CD276: variants seen among roughly 807,000 people sequenced by gnomAD.
CD276 encodes the protein CD276 molecule.
A neutral mutation model predicts 50.0 loss-of-function variants in CD276; 34 were observed. The ratio of observed to expected loss-of-function variants is 0.68; its 90% CI spans 0.52 to 0.91. The LOEUF (loss-of-function observed/expected upper bound fraction) is 0.91, where lower values mean the gene tolerates loss of function less well. CD276 is among the 40% of genes least tolerant of loss of function. CD276 has a pLI of 0.00. For synonymous variants in CD276, 275 were observed against 313.0 expected (o/e 0.88, Z 1.28); for missense variants, 634 against 717.5 (o/e 0.88, Z 1.33).
In CD276 at chr15:73,711,771, A is replaced by G. The variant is rs530581724; in HGVS notation, c.1582+601A>G. ...TGGGCCTATTGTTATAATGTCAGTGATGACATTTGGAAATACAGGAGATAG... is the reference window on the plus strand; with the variant it reads ...TGGGCCTATTGTTATAATGTCAGTGGTGACATTTGGAAATACAGGAGATAG... On this transcript the variant is annotated intron_variant, in intron 9 of 9. Transcript: ENST00000318443. 3 of 153,246 alleles carry G rather than the reference A, an allele frequency of 2.0e-5. No homozygotes were observed. The East Asian group carries it at 5.8e-4, about 30-fold the overall frequency. 9.5% of individuals were successfully genotyped at this position (153,246 alleles called of 1,614,324 possible). A position where few individuals can be genotyped will look rare whatever the true frequency, so the allele number is the denominator to read the frequency against.
rs1003960223 is a variant in CD276 at position 73,704,647 on chromosome 15, A to G, written c.1369+175A>G. 1.6e-4 allele frequency among the ~76,000 whole-genome samples: 25 copies of G among 152,222 alleles called. No homozygotes were observed. The highest frequency in any genetic ancestry group is 5.5e-4 in the African/African-American group (23 of 41,462). On this transcript the variant is annotated intron_variant, in intron 6 of 9. Transcript: ENST00000318443. This position sits in a 1 kb window ranked among gnomAD's most constrained non-coding sequence, Gnocchi z 4.1. ...CCTTAAGGGACTCGAGCTGATAAGA[A>G]CCATTTATAATGTTTGCCTTCCTAA...
chr15:73,702,884 C>G lies in CD276; in HGVS notation c.531C>G (p.Phe177Leu). Residue 177 changes from phenylalanine (F) to leucine (L), a missense_variant, in exon 4 of 10, where the codon TTC becomes TTG. By Grantham distance (22) the Phe-to-Leu change is conservative. Coordinates refer to ENST00000318443, the MANE Select transcript of CD276 (RefSeq NM_001024736.2). Reference sequence around the variant, plus strand: ...AGGGCTACCCTGAGGCTGAGGTGTTCTGGCAGGATGGGCAGGGTGTGCCCC... The same window carrying G: ...AGGGCTACCCTGAGGCTGAGGTGTTGTGGCAGGATGGGCAGGGTGTGCCCC... ...SYQGYPEAEVFWQDGQGVPLT... is the reference protein window; with the variant it reads ...SYQGYPEAEVLWQDGQGVPLT... 1 of 1,614,130 alleles carries G rather than the reference C, an allele frequency of 6.2e-7. No individual in the cohort carries two copies. Among genetic ancestry groups the G allele is most frequent in the Non-Finnish European group, 8.5e-7 (1 of 1,180,038 alleles).
Position 73,704,227 on chromosome 15 carries a change from C to A in CD276, c.1124C>A (p.Pro375Gln). 1.2e-6 allele frequency: 2 copies of A among 1,614,156 alleles called. No individual in the cohort carries two copies. Among genetic ancestry groups the A allele is most frequent in the South Asian group, 2.2e-5 (2 of 91,076 alleles). Residue 375 changes from proline to glutamine, a missense_variant, in exon 6 of 10, where the codon CCA (proline) becomes CAA (glutamine). Transcript: ENST00000318443. This position sits in a 1 kb window ranked among gnomAD's most constrained non-coding sequence, Gnocchi z 4.1. Reference sequence around the variant, plus strand: ...CTGGAGCCCAACAAGGACCTGCGGCCAGGGGACACGGTGACCATCACGTGC... The same window carrying A: ...CTGGAGCCCAACAAGGACCTGCGGCAAGGGGACACGGTGACCATCACGTGC... Reference protein sequence around the residue: ...MTLEPNKDLRPGDTVTITCSS... With the variant: ...MTLEPNKDLRQGDTVTITCSS...
intron 9 of CD276, 109 bp from the exon 10 acceptor site, chr15:73,712,825 A>T: frequency 8.9e-7 from 1 of 1,126,316 alleles, no homozygotes. Flanking sequence ...CACACTCCCC[A>T]CTTGAAGTCT....
Position 73,712,928 on chromosome 15 carries a change from A to G in CD276, c.1583-6A>G, listed in dbSNP as rs1900967723. ...CCCTTTTTTTTCTTCCCATCATGAA[A>G]TGAAGATGATGGACAAGAAATAGCC... On this transcript the variant is annotated splice_region_variant and splice_polypyrimidine_tract_variant and intron_variant, in intron 9 of 9. Transcript: ENST00000318443. 1.2e-6 allele frequency: 2 copies of G among 1,613,566 alleles called. No homozygotes were observed. Among genetic ancestry groups the G allele is most frequent in the South Asian group, 2.2e-5 (2 of 91,054 alleles).
chr15:73,703,909 G>T lies in CD276; in HGVS notation c.984G>T (p.Gln328His), dbSNP rs1900529772. ...LAQGNASLRL[Q>H]RVRVADEGSF... Reference sequence around the variant, plus strand: ...AAGGCAATGCATCCCTGAGGCTGCAGCGCGTGCGTGTGGCGGACGAGGGCA... The same window carrying T: ...AAGGCAATGCATCCCTGAGGCTGCATCGCGTGCGTGTGGCGGACGAGGGCA... The change falls in exon 5 of 10, where the codon CAG (glutamine) becomes CAT (histidine). Residue 328 changes from glutamine (Q) to histidine (H), a missense_variant. Transcript: ENST00000318443. The T allele has an allele frequency of 1.2e-6, 2 of 1,613,598 alleles. No individual in the cohort carries two copies. Among genetic ancestry groups the T allele is most frequent in the East Asian group, 2.2e-5 (1 of 44,884 alleles).
chr15:73,703,834 G>C lies in CD276; in HGVS notation c.909G>C (p.Gln303His), dbSNP rs199547982. The part of the protein sequence containing the change: ...LVHSFTEGRD[Q>H]GSAYANRTAL... ...ACAGTTTCACCGAAGGCCGGGACCA[G>C]GGCAGCGCCTATGCCAACCGCACGG... is the stretch of plus-strand genomic sequence containing the variant. Residue 303 changes from glutamine to histidine, a missense_variant, in exon 5 of 10, where the codon CAG (glutamine) becomes CAC (histidine). Gln to His is a conservative substitution (Grantham distance 24). Coordinates refer to ENST00000318443, the MANE Select transcript of CD276 (RefSeq NM_001024736.2). The C allele has an allele frequency of 4.1e-4, 664 of 1,613,622 alleles. 7 individuals are homozygous for C. The South Asian group carries it at 6.8e-3, about 17-fold the overall frequency.
At position 73,708,341 on chromosome 15, in the gene CD276, CA is replaced by C. The variant is rs779154867; in HGVS notation, c.1373del (p.Gln458ArgfsTer3). The C allele has an allele frequency of 1.9e-6, 3 of 1,613,764 alleles. No homozygotes were observed. The African/African-American group carries it at 4.0e-5, about 22-fold the overall frequency. On this transcript the variant is annotated frameshift_variant, in exon 7 of 10. Coordinates refer to ENST00000318443, the MANE Select transcript of CD276 (RefSeq NM_001024736.2). LOFTEE classifies it high-confidence loss of function. ...ACTGTTGCTACTTTTCCTCTCAGGG[CA>C]GCCTATGACATTCCCCCCAGAGGCC... Reference protein sequence around the residue: ...DAHGSVTITGQPMTFPPEALW... With the variant: ...DAHGSVTITGXPMTFPPEALW...
chr15:73,711,838 G>T (rs192695403), intron 9 of CD276: 3 of 152,680 alleles, frequency 2.0e-5, no homozygotes, highest in Admixed American at 6.5e-5. Context: ...AACCATAGAA[G>T]AGCTGGGCAG....
intron 1 of CD276, among the ~76,000 whole-genome samples, chr15:73,690,168 A>G (rs143732476): frequency 5.8e-4 from 88 of 152,352 alleles, no homozygotes; most frequent in African/African-American, 2.0e-3. Flanking sequence ...ACACACATGC[A>G]TTCATTCGTT....
intron 1 of CD276, among the ~76,000 whole-genome samples, chr15:73,685,453 T>G (rs914034727): frequency 1.1e-4 from 14 of 131,926 alleles, no homozygotes; most frequent in African/African-American, 3.3e-4. Flanking sequence ...CAAAAAAGAT[T>G]TGTGTGTGTG....
chr15:73,709,711 G>A (rs776945716), intron 8 of CD276, 22 bp downstream of exon 8: 3 of 1,607,758 alleles, frequency 1.9e-6, no homozygotes, highest in African/African-American at 1.3e-5. Flanking sequence ...CTTGGAGCTG[G>A]CCCTCTTGGC....
At chr15:73,691,712 A>G (rs951588920) in intron 1 of CD276, among the ~76,000 whole-genome samples, 2 of 152,234 alleles carry the variant, frequency 1.3e-5, no homozygotes, top group African/African-American at 4.8e-5. Flanking sequence ...AGAATAAAGG[A>G]CATGGAGCAA....
chr15:73,709,177 GTTGGC>G (rs1184239570), intron 7 of CD276, among the ~76,000 whole-genome samples: 3 of 152,110 alleles, frequency 2.0e-5, no homozygotes, highest in Admixed American at 2.0e-4. Context: ...GAGGTTGATG[GTTGGC>G]AGGGCTACTG....
Position 73,703,652 on chromosome 15 carries a change from C to T in CD276, c.734-7C>T, listed in dbSNP as rs10083677. On this transcript the variant is annotated splice_region_variant and splice_polypyrimidine_tract_variant and intron_variant, in intron 4 of 9. Coordinates refer to ENST00000318443, the MANE Select transcript of CD276 (RefSeq NM_001024736.2). ...TCACCACCCTGCCCCTCTGACCCCG[C>T]CCCCAGGAGCCGTGGAGGTCCAGGT... is the stretch of plus-strand genomic sequence containing the variant. The T allele has an allele frequency of 3.7e-4, 594 of 1,599,928 alleles. 2 individuals are homozygous for T. The African/African-American group carries it at 6.6e-3, about 18-fold the overall frequency.
chr15:73,697,057 C>T (rs1164364033), intron 1 of CD276, among the ~76,000 whole-genome samples: 1 of 152,154 alleles, frequency 6.6e-6, no homozygotes, highest in Non-Finnish European at 1.5e-5. Flanking sequence ...TCATCCTTAG[C>T]CCTGGTGCTT....
intron 7 of CD276, 98 bp downstream of exon 7, chr15:73,708,571 C>T: frequency 7.1e-7 from 1 of 1,399,380 alleles, no homozygotes; most frequent in South Asian, 1.4e-5. Flanking sequence ...TTTCTAGTGA[C>T]AGAACGAGTG....
intron 1 of CD276, among the ~76,000 whole-genome samples, chr15:73,692,153 T>A (rs545867913): frequency 7.2e-5 from 11 of 152,154 alleles, no homozygotes; most frequent in Admixed American, 2.6e-4. Flanking sequence ...TGACTTTTCA[T>A]GCTGTCCCCT....
rs745883489 is a variant in CD276 at position 73,708,354 on chromosome 15, T to TC, written c.1391dup (p.Glu465ArgfsTer33). On this transcript the variant is annotated frameshift_variant, in exon 7 of 10. Coordinates refer to ENST00000318443, the MANE Select transcript of CD276 (RefSeq NM_001024736.2). LOFTEE classifies it high-confidence loss of function. ...TTCCTCTCAGGGCAGCCTATGACAT[T>TC]CCCCCCAGAGGCCCTGTGGGTGACC... 9.3e-6 allele frequency: 15 copies of TC among 1,613,914 alleles called. No individual in the cohort carries two copies. The East Asian group carries it at 2.5e-4, about 26-fold the overall frequency.
Sources: allele counts gnomAD v4.1 joint callset (sites outside exome capture counted in the v4.1 genomes callset), GRCh38; gene constraint gnomAD v4.1.1; non-coding constraint Gnocchi (gnomAD v3.1); transcripts MANE v1.5; gene names NCBI Gene and HGNC (gene_info 2026-07-23, HGNC 2026-07-21).